The following CSMD1 variants were observed in gnomAD, a reference collection of about 807,000 sequenced individuals.
The protein encoded by CSMD1 is CUB and Sushi multiple domains 1.
Under a neutral mutation model 417.5 loss-of-function variants are expected in CSMD1, and 213 were observed. That is an observed-to-expected ratio of 0.51 (90% CI 0.46 to 0.57). The LOEUF is 0.57. Ranked by LOEUF, CSMD1 falls within the 20% of genes least tolerant of loss-of-function variation. The pLI is 0.00. For missense variants in CSMD1, 6,923 were observed against 4,529.7 expected, an observed-to-expected ratio of 1.53 and a Z score of -15.17; for synonymous variants, 2,862 against 1,736.8, an observed-to-expected ratio of 1.65 and a Z score of -16.11.
chr8:3,882,409 C>G (rs533959846), intron 5 of CSMD1, among the ~76,000 whole-genome samples: 8 of 152,276 alleles, frequency 5.3e-5, no homozygotes, highest in African/African-American at 1.7e-4. Context: ...GGAAACCTGC[C>G]AAATGTTGGT....
At chr8:3,605,400 C>T (rs7843402) in intron 8 of CSMD1, among the ~76,000 whole-genome samples, 15 of 152,158 alleles carry the variant, frequency 9.9e-5, no homozygotes, top group African/African-American at 2.4e-4. Flanking sequence ...CCTCTGCTCT[C>T]GCTGGAGTTG....
intron 7 of CSMD1, among the ~76,000 whole-genome samples, chr8:3,639,881 G>T (rs1048313156): frequency 6.6e-6 from 1 of 152,164 alleles, no homozygotes; most frequent in African/African-American, 2.4e-5. Flanking sequence ...GATATGTTCA[G>T]AGAATATTTG....
chr8:3,359,561 G>A (rs1423787124), intron 20 of CSMD1, among the ~76,000 whole-genome samples: 1 of 146,336 alleles, frequency 6.8e-6, no homozygotes, highest in African/African-American at 2.5e-5. Flanking sequence ...TTTAAGAATT[G>A]ACAGGTAAGA....
intron 22 of CSMD1, among the ~76,000 whole-genome samples, chr8:3,345,095 G>T (rs156077): frequency 0.22 from 32,892 of 152,142 alleles, 3,907 homozygotes; most frequent in South Asian, 0.33. Flanking sequence ...GTCTGTAATT[G>T]ACAGAAATCC....
At chr8:4,362,754 C>T (rs1801845387) in intron 3 of CSMD1, among the ~76,000 whole-genome samples, 1 of 152,108 alleles carries the variant, frequency 6.6e-6, no homozygotes, top group South Asian at 2.1e-4. Context: ...TTTTTACTTA[C>T]TGAGCAATTT....
At chr8:3,936,029 G>C (rs1445410256) in intron 5 of CSMD1, among the ~76,000 whole-genome samples, 1 of 152,148 alleles carries the variant, frequency 6.6e-6, no homozygotes, top group Non-Finnish European at 1.5e-5. Flanking sequence ...CAGCCTTATT[G>C]CTGATATGGA....
At chr8:4,386,968 T>A (rs751208444) in intron 3 of CSMD1, among the ~76,000 whole-genome samples, 1 of 152,170 alleles carries the variant, frequency 6.6e-6, no homozygotes, top group Non-Finnish European at 1.5e-5. Context: ...TATGTTACGA[T>A]TATCTATTGT....
chr8:3,305,338 A>C (rs1337707515), intron 25 of CSMD1, among the ~76,000 whole-genome samples: 2 of 152,232 alleles, frequency 1.3e-5, no homozygotes, highest in Non-Finnish European at 2.9e-5. Flanking sequence ...GAGTTATTAT[A>C]AAATAGTATG....
intron 5 of CSMD1, among the ~76,000 whole-genome samples, chr8:3,815,617 C>T (rs1390988511): frequency 8.8e-6 from 1 of 113,802 alleles, no homozygotes; most frequent in African/African-American, 3.5e-5. Flanking sequence ...TCTATCACTG[C>T]TAGACTTTCT....
At chr8:3,194,408 CTATTTTATT>C (rs1796585602) in intron 33 of CSMD1, among the ~76,000 whole-genome samples, 2 of 134,842 alleles carry the variant, frequency 1.5e-5, no homozygotes, top group East Asian at 2.2e-4. Context: ...ATCTGATTAA[CTATTTTATT>C]TTATTTTATT....
chr8:3,437,642 T>C (rs1214872163), intron 12 of CSMD1, among the ~76,000 whole-genome samples: 1 of 152,334 alleles, frequency 6.6e-6, no homozygotes, highest in Admixed American at 6.5e-5. Context: ...ATGGTTGTGA[T>C]TATAATTTAT....
In CSMD1 at chr8:4,964,237, G is replaced by T. The variant is rs535022154; in HGVS notation, c.85+30095C>A. 1.5e-3 allele frequency among the ~76,000 whole-genome samples: 225 copies of T among 152,156 alleles called. 2 individuals carry two copies. The highest frequency in any genetic ancestry group is 4.9e-3 in the African/African-American group (205 of 41,520). Reference sequence around the variant, plus strand: ...TGAATGAATGAGTAGCAGGCAGCCAGGTATGGTGGCTAACACCTGTAATCC... The same window carrying T: ...TGAATGAATGAGTAGCAGGCAGCCATGTATGGTGGCTAACACCTGTAATCC... On this transcript the variant is annotated intron_variant, in intron 1 of 69. Coordinates refer to ENST00000635120, the MANE Select transcript of CSMD1 (RefSeq NM_033225.6).
chr8:3,680,763 G>A (rs567353118), intron 7 of CSMD1, among the ~76,000 whole-genome samples: 3 of 152,270 alleles, frequency 2.0e-5, no homozygotes, highest in East Asian at 1.9e-4. Context: ...CAATATCCCT[G>A]ATGAACATTG....
chr8:4,959,252 G>A lies in CSMD1; in HGVS notation c.85+35080C>T, dbSNP rs148191777. ...TTATGTATTTTTAAAATGGATTCTGGGGTCATATGTTTTGGAAAAGCTAAG... is the reference window on the plus strand; with the variant it reads ...TTATGTATTTTTAAAATGGATTCTGAGGTCATATGTTTTGGAAAAGCTAAG... On this transcript the variant is annotated intron_variant, in intron 1 of 69. Coordinates refer to ENST00000635120, the MANE Select transcript of CSMD1 (RefSeq NM_033225.6). 7.2e-5 allele frequency among the ~76,000 whole-genome samples: 11 copies of A among 152,230 alleles called. No individual in the cohort carries two copies. The East Asian group carries it at 2.1e-3, about 29-fold the overall frequency.
intron 5 of CSMD1, among the ~76,000 whole-genome samples, chr8:3,908,486 T>C (rs751491940): frequency 6.6e-6 from 1 of 152,172 alleles, no homozygotes; most frequent in African/African-American, 2.4e-5. Context: ...ACACATCCAG[T>C]ATCCCCTGGT....
intron 3 of CSMD1, among the ~76,000 whole-genome samples, chr8:4,345,230 G>A (rs570326692): frequency 9.9e-5 from 15 of 152,208 alleles, no homozygotes; most frequent in South Asian, 4.1e-4. Flanking sequence ...CAGCTATTGC[G>A]GTTTGGAGGT....
intron 23 of CSMD1, among the ~76,000 whole-genome samples, chr8:3,314,554 T>C (rs1314158784): frequency 1.3e-5 from 2 of 152,202 alleles, no homozygotes; most frequent in Admixed American, 6.5e-5. Flanking sequence ...ATTATTACAA[T>C]CAAAACTTGA....
intron 3 of CSMD1, among the ~76,000 whole-genome samples, chr8:4,137,829 C>G (rs1332185839): frequency 6.6e-6 from 1 of 151,198 alleles, no homozygotes; most frequent in African/African-American, 2.4e-5. Context: ...GTCAGAAACT[C>G]AGTTAGTGTT....
At chr8:4,390,826 C>A (rs1461621036) in intron 3 of CSMD1, among the ~76,000 whole-genome samples, 1 of 152,112 alleles carries the variant, frequency 6.6e-6, no homozygotes, top group African/African-American at 2.4e-5. Context: ...CAGACATGAG[C>A]CACCATGCCC....
Sources: gnomAD v4.1 joint callset for allele counts (sites outside exome capture counted in the v4.1 genomes callset) on GRCh38, gnomAD v4.1.1 for gene constraint, MANE v1.5 for transcripts, NCBI Gene and HGNC (gene_info 2026-07-23, HGNC 2026-07-21) for gene names.